CFAP299: variants seen among roughly 807,000 people sequenced by gnomAD.
CFAP299 encodes cilia- and flagella-associated protein 299.
CFAP299 carries 21 observed loss-of-function variants against 27.0 expected under a neutral mutation model. The observed-to-expected ratio is 0.78, with a 90% CI of 0.55 to 1.12. The LOEUF (loss-of-function observed/expected upper bound fraction) is 1.12, where lower values mean the gene tolerates loss of function less well. Among genes scored for constraint, CFAP299 ranks in the 50% most tolerant of loss-of-function variants. The probability of loss-of-function intolerance (pLI) is 0.00; values close to 1 mark genes in which losing one functional copy is unlikely to be tolerated. For missense variants in CFAP299, 310 were observed against 276.6 expected, an observed-to-expected ratio of 1.12 and a Z score of -0.86; for synonymous variants, 104 against 98.1, an observed-to-expected ratio of 1.06 and a Z score of -0.36.
At chr4:80,786,161 T>C (rs745364597) in intron 3 of CFAP299, among the ~76,000 whole-genome samples, 30 of 152,110 alleles carry the variant, frequency 2.0e-4, no homozygotes, top group Admixed American at 1.0e-3. Context: ...TTGTGAAGTA[T>C]ACCCTCTGTT....
intron 4 of CFAP299, among the ~76,000 whole-genome samples, chr4:80,909,271 T>C (rs1001204737): frequency 7.9e-5 from 12 of 152,116 alleles, no homozygotes; most frequent in Non-Finnish European, 1.3e-4. Context: ...TGCATTATTG[T>C]AGTAAAAGGG....
At chr4:80,770,455 G>GA (rs1578107548) in intron 3 of CFAP299, among the ~76,000 whole-genome samples, 1 of 151,952 alleles carries the variant, frequency 6.6e-6, no homozygotes, top group African/African-American at 2.4e-5. Flanking sequence ...ATAACTGCAG[G>GA]AAAAAATTTT....
intron 4 of CFAP299, among the ~76,000 whole-genome samples, chr4:80,916,253 A>AT (rs1491280542): frequency 1.1e-4 from 1 of 9,022 alleles, no homozygotes; most frequent in Non-Finnish European, 1.7e-4. Context: ...CTAGACTGAA[A>AT]TATATATATA....
intron 4 of CFAP299, among the ~76,000 whole-genome samples, chr4:80,936,329 TG>T (rs776712897): frequency 1.3e-5 from 2 of 152,084 alleles, no homozygotes; most frequent in Non-Finnish European, 2.9e-5. Context: ...ATGATATAAA[TG>T]CATGTGTATG....
the CFAP299 span, among the ~76,000 whole-genome samples, chr4:80,327,168 T>C: frequency 1.3e-5 from 2 of 152,162 alleles, no homozygotes; most frequent in Admixed American, 6.5e-5. Context: ...GTTTAGTATA[T>C]GCCCTAAGGT....
intron 4 of CFAP299, among the ~76,000 whole-genome samples, chr4:80,873,264 AGCAT>A (rs1733203580): frequency 6.6e-6 from 1 of 152,152 alleles, no homozygotes; most frequent in Admixed American, 6.5e-5. Context: ...CTTACCTTTT[AGCAT>A]GGTCTTTTAT....
chr4:80,456,580 G>T (rs553013224), intron 2 of CFAP299, among the ~76,000 whole-genome samples: 47 of 152,236 alleles, frequency 3.1e-4, no homozygotes, highest in Middle Eastern at 3.4e-3. Flanking sequence ...GATGACTTTG[G>T]TTTTACCTGA....
At chr4:80,594,974 G>T (rs11735139) in intron 3 of CFAP299, among the ~76,000 whole-genome samples, 6,453 of 152,162 alleles carry the variant, frequency 0.042, 426 homozygotes, top group African/African-American at 0.14. Context: ...AATATGGCAG[G>T]CCTTGCTTTT....
intron 3 of CFAP299, among the ~76,000 whole-genome samples, chr4:80,648,733 CACA>C (rs1289903594): frequency 6.6e-6 from 1 of 152,032 alleles, no homozygotes; most frequent in Non-Finnish European, 1.5e-5. Flanking sequence ...GAATATCTTT[CACA>C]ACAGCCTCAT....
In CFAP299 at chr4:80,963,544, A is replaced by G. The variant is rs1281789159; in HGVS notation, c.634A>G (p.Ile212Val). The change falls in exon 6 of 6, where the codon ATC becomes GTC. Residue 212 changes from isoleucine to valine, a missense_variant. Ile to Val is a conservative substitution (Grantham distance 29). Coordinates refer to ENST00000358105, the MANE Select transcript of CFAP299 (RefSeq NM_152770.3). ...KAQPGDNSTR[I>V]TILTELYVQA... Reference sequence around the variant, plus strand: ...GCAGCCAGGTGACAACTCTACTAGAATCACTATCCTGACAGAACTCTACGT... The same window carrying G: ...GCAGCCAGGTGACAACTCTACTAGAGTCACTATCCTGACAGAACTCTACGT... 2 of 1,607,202 alleles carry G rather than the reference A, an allele frequency of 1.2e-6. No homozygotes were observed. The highest frequency in any genetic ancestry group is 2.7e-5 in the African/African-American group (2 of 74,614).
chr4:80,640,361 G>C (rs1408626852), intron 3 of CFAP299, among the ~76,000 whole-genome samples: 1 of 152,174 alleles, frequency 6.6e-6, no homozygotes, highest in African/African-American at 2.4e-5. Context: ...TTAGCAGATA[G>C]CATTGCTTGC....
upstream of CFAP299, chr4:80,335,591 A>G: frequency 1.6e-6 from 1 of 613,700 alleles, no homozygotes; most frequent in East Asian, 2.9e-5. Context: ...GGGTAATTCC[A>G]GAAAGTTTTC....
intron 2 of CFAP299, among the ~76,000 whole-genome samples, chr4:80,510,488 G>T (rs2110162667): frequency 6.6e-6 from 1 of 152,264 alleles, no homozygotes; most frequent in Middle Eastern, 3.4e-3. Flanking sequence ...CTTGAGATCA[G>T]ACTGAAATAG....
intron 2 of CFAP299, among the ~76,000 whole-genome samples, chr4:80,528,740 C>A (rs988000215): frequency 3.3e-5 from 5 of 152,072 alleles, no homozygotes; most frequent in African/African-American, 1.2e-4. Flanking sequence ...GTCATTATAT[C>A]CTAAATTAAA....
intron 3 of CFAP299, among the ~76,000 whole-genome samples, chr4:80,591,184 C>T (rs113076225): frequency 0.1 from 13,640 of 130,850 alleles, 945 homozygotes; most frequent in Non-Finnish European, 0.16. Context: ...AGTGCAGTGG[C>T]GGGATCTAGG....
At chr4:80,894,961 TCA>T (rs946427336) in intron 4 of CFAP299, among the ~76,000 whole-genome samples, 3 of 151,864 alleles carry the variant, frequency 2.0e-5, no homozygotes, top group South Asian at 2.1e-4. Flanking sequence ...TAAAAAAATC[TCA>T]CTCACAGAAC....
intron 3 of CFAP299, among the ~76,000 whole-genome samples, chr4:80,798,586 T>G (rs1728008315): frequency 6.6e-6 from 1 of 152,064 alleles, no homozygotes; most frequent in Non-Finnish European, 1.5e-5. Context: ...AGCTTGTGTC[T>G]TTTTTTCCAC....
intron 3 of CFAP299, among the ~76,000 whole-genome samples, chr4:80,656,925 G>A (rs1052139448): frequency 2.0e-5 from 3 of 152,138 alleles, no homozygotes; most frequent in Non-Finnish European, 2.9e-5. Context: ...ATTCTAACTA[G>A]TGTGAGATGG....
intron 2 of CFAP299, among the ~76,000 whole-genome samples, chr4:80,504,114 G>A (rs1287845224): frequency 6.6e-6 from 1 of 151,970 alleles, no homozygotes; most frequent in Non-Finnish European, 1.5e-5. Flanking sequence ...TGCTTATTAT[G>A]GGGAGGAGAT....
Sources: gnomAD v4.1 joint callset for allele counts (sites outside exome capture counted in the v4.1 genomes callset) on GRCh38, gnomAD v4.1.1 for gene constraint, MANE v1.5 for transcripts, NCBI Gene and HGNC (gene_info 2026-07-23, HGNC 2026-07-21) for gene names.